Variants in HHIP observed in about 807,000 individuals in gnomAD.
HHIP encodes the protein hedgehog interacting protein, also known as hedgehog-interacting protein.
A neutral mutation model predicts 74.0 loss-of-function variants in HHIP; 12 were observed. The observed-to-expected ratio is 0.16, with a 90% confidence interval of 0.10 to 0.26. The LOEUF is 0.26. Ranked by LOEUF, HHIP falls within the 10% of genes least tolerant of loss-of-function variation. The pLI, the probability that HHIP is intolerant of heterozygous loss-of-function variation, is 1.00. For missense variants in HHIP, 788 were observed against 845.0 expected (o/e 0.93, Z 0.84); for synonymous variants, 309 against 311.6 (o/e 0.99, Z 0.09).
Position 144,734,810 on chromosome 4 carries a change from G to C in HHIP, c.1830G>C (p.Arg610Ser), listed in dbSNP as rs775431119. Residue 610 changes from arginine (R) to serine (S), a missense_variant, in exon 12 of 13, where the codon AGG (arginine) becomes AGC (serine). Coordinates refer to ENST00000296575, the MANE Select transcript of HHIP (RefSeq NM_022475.3). The stretch of plus-strand genomic sequence containing the variant: ...AGACACTGACTTCAGAGTGCTCCAG[G>C]CTCTGTCGAAACGGCTACTGCACCC... ...PAQTLTSECSRLCRNGYCTPT... is the reference protein window; with the variant it reads ...PAQTLTSECSSLCRNGYCTPT... 2 of 1,613,002 alleles carry C rather than the reference G, an allele frequency of 1.2e-6. No individual in the cohort carries two copies. The highest frequency in any genetic ancestry group is 1.7e-6 in the Non-Finnish European group (2 of 1,179,252).
rs527464213 is a variant in HHIP at position 144,646,519 on chromosome 4, A to C, written c.-157A>C. The C allele has an allele frequency of 4.5e-6, 3 of 667,032 alleles. No homozygotes were observed. The highest frequency in any genetic ancestry group is 3.6e-5 in the African/African-American group (2 of 55,656). The allele number at this position is 667,032 out of a possible 1,614,324, so 41.3% of individuals were successfully genotyped here. ...CGTCTTTTATTTTTTGCAAAGTTGC[A>C]TCGCTGTACATATTTTTGTCCCCGC... On this transcript the variant is annotated 5_prime_UTR_variant, in exon 1 of 13. Transcript: ENST00000296575.
Position 144,742,996 on chromosome 4 carries a change from ATAAT to A in HHIP, c.*5040_*5043del, listed in dbSNP as rs1560729189. On this transcript the variant is annotated 3_prime_UTR_variant, in exon 13 of 13. Coordinates refer to ENST00000296575, the MANE Select transcript of HHIP (RefSeq NM_022475.3). ...GTATATATATATACATTATATATAT[ATAAT>A]ATATATATATTATATATATATAATA... The A allele has an allele frequency of 0.067, 49 of 732 alleles. No homozygotes were observed. Among genetic ancestry groups the A allele is most frequent in the Admixed American group, 0.28 (10 of 36 alleles). The allele number at this position is 732 out of a possible 1,614,324, so 0.0% of individuals were successfully genotyped here. A position where few individuals can be genotyped will look rare whatever the true frequency, so the allele number is the denominator to read the frequency against.
At chr4:144,702,042 C>A (rs780748634) in intron 4 of HHIP, among the ~76,000 whole-genome samples, 1 of 152,130 alleles carries the variant, frequency 6.6e-6, no homozygotes, top group Non-Finnish European at 1.5e-5. Flanking sequence ...AATACCCACA[C>A]TGTCAGAAAC....
chr4:144,716,106 T>C (rs1054349721), intron 10 of HHIP, among the ~76,000 whole-genome samples: 1 of 152,248 alleles, frequency 6.6e-6, no homozygotes, highest in Admixed American at 6.5e-5. Flanking sequence ...CAGAGATCAA[T>C]GTAGTTTCAT....
At position 144,707,170 on chromosome 4, in the gene HHIP, A is replaced by G; in HGVS notation, c.1067A>G (p.Gln356Arg). The change falls in exon 6 of 13, where the codon CAA becomes CGA. Residue 356 changes from glutamine to arginine, a missense_variant. Coordinates refer to ENST00000296575, the MANE Select transcript of HHIP (RefSeq NM_022475.3). ...AELHRKHLGG[Q>R]LLFGPDGFLY... The stretch of plus-strand genomic sequence containing the variant: ...CTCCACAGAAAGCATCTGGGAGGAC[A>G]ACTGCTCTTTGGCCCTGACGGCTTT... The G allele has an allele frequency of 1.2e-6, 2 of 1,614,056 alleles. No individual in the cohort carries two copies. Among genetic ancestry groups the G allele is most frequent in the Non-Finnish European group, 1.7e-6 (2 of 1,179,938 alleles).
At chr4:144,695,834 T>A (rs917657998) in intron 4 of HHIP, among the ~76,000 whole-genome samples, 4 of 151,916 alleles carry the variant, frequency 2.6e-5, no homozygotes, top group Non-Finnish European at 5.9e-5. Flanking sequence ...TCCACAAATC[T>A]TTATCAAAAG....
rs941466231 is a variant in HHIP, at chr4:144,733,292, G to A, written c.1761-1449G>A. ...CTAGATTCAAATAAGAAGCTGAATA[G>A]ATTTAAGGGAGTTTTCTGAATTGTC... is the stretch of plus-strand genomic sequence containing the variant. On this transcript the variant is annotated intron_variant, in intron 11 of 12. Transcript: ENST00000296575. 2.0e-5 allele frequency among the ~76,000 whole-genome samples: 3 copies of A among 152,174 alleles called. No individual in the cohort carries two copies. In the South Asian group the frequency reaches 6.2e-4, roughly 32 times the overall value.
chr4:144,659,825 A>G lies in HHIP; in HGVS notation c.818A>G (p.Gln273Arg), dbSNP rs771500415. 1.2e-6 allele frequency: 2 copies of G among 1,611,758 alleles called. No individual in the cohort carries two copies. Among genetic ancestry groups the G allele is most frequent in the South Asian group, 1.1e-5 (1 of 90,384 alleles). Residue 273 changes from glutamine to arginine, a missense_variant, in exon 4 of 13, where the codon CAA (glutamine) becomes CGA (arginine). By Grantham distance (43) the Gln-to-Arg change is conservative. Transcript: ENST00000296575. ...TATTTGGACATTCACAAACTTGTTCAAAGTGGAATAAAGGTTGGCTTTTTA... is the reference window on the plus strand; with the variant it reads ...TATTTGGACATTCACAAACTTGTTCGAAGTGGAATAAAGGTTGGCTTTTTA... ...EPYLDIHKLV[Q>R]SGIKGGDERG...
chr4:144,724,886 T>A (rs1244362213), intron 11 of HHIP, among the ~76,000 whole-genome samples: 1 of 151,840 alleles, frequency 6.6e-6, no homozygotes, highest in Non-Finnish European at 1.5e-5. Context: ...TTGACTGAAT[T>A]GCCACTTCAA....
In HHIP at chr4:144,742,747, T is replaced by C. The variant is rs1282449652; in HGVS notation, c.*4790T>C. The stretch of plus-strand genomic sequence containing the variant: ...TATCTTTAAAATACCTAAAAATAAA[T>C]ATATATTTGCTATCTTATCCTCTTT... On this transcript the variant is annotated 3_prime_UTR_variant, in exon 13 of 13. Transcript: ENST00000296575. 1 of 149,454 alleles carries C rather than the reference T, an allele frequency of 6.7e-6. No individual in the cohort carries two copies. The highest frequency in any genetic ancestry group is 2.5e-5 in the African/African-American group (1 of 40,776). 9.3% of individuals were successfully genotyped at this position (149,454 alleles called of 1,614,324 possible).
intron 11 of HHIP, among the ~76,000 whole-genome samples, chr4:144,722,574 C>A (rs1252303303): frequency 1.3e-5 from 2 of 152,066 alleles, no homozygotes; most frequent in Admixed American, 6.5e-5. Flanking sequence ...TCAGTAGAGC[C>A]AGGTGTGGTG....
intron 4 of HHIP, among the ~76,000 whole-genome samples, chr4:144,680,630 T>C (rs574860566): frequency 4.9e-4 from 74 of 152,356 alleles, no homozygotes; most frequent in African/African-American, 1.7e-3. Flanking sequence ...ATCAGAGCTA[T>C]GACTATATGT....
At chr4:144,699,464 G>C (rs1729916524) in intron 4 of HHIP, among the ~76,000 whole-genome samples, 1 of 152,070 alleles carries the variant, frequency 6.6e-6, no homozygotes, top group Non-Finnish European at 1.5e-5. Context: ...AGACATGATT[G>C]ATTGAATTAC....
intron 4 of HHIP, among the ~76,000 whole-genome samples, chr4:144,661,107 C>T (rs1332686206): frequency 6.6e-6 from 1 of 152,104 alleles, no homozygotes; most frequent in Non-Finnish European, 1.5e-5. Context: ...AACTGATGTT[C>T]TTGTTTCTAC....
At chr4:144,707,425 AC>A (rs1410858605) in intron 6 of HHIP, among the ~76,000 whole-genome samples, 165 bp downstream of exon 6, 1 of 152,132 alleles carries the variant, frequency 6.6e-6, no homozygotes, top group African/African-American at 2.4e-5. Flanking sequence ...AGAGGAATTC[AC>A]TAATATGCTA....
chr4:144,665,722 T>C (rs557380774), intron 4 of HHIP, among the ~76,000 whole-genome samples: 81 of 152,222 alleles, frequency 5.3e-4, no homozygotes, highest in Non-Finnish European at 9.8e-4. Flanking sequence ...TTTATGTGGT[T>C]ATGCCAGTTT....
Position 144,646,857 on chromosome 4 carries a change from T to G in HHIP, c.182T>G (p.Leu61Arg), listed in dbSNP as rs760032610. The change falls in exon 1 of 13, where the codon CTG becomes CGG. Residue 61 changes from leucine (L) to arginine (R), a missense_variant. Transcript: ENST00000296575. ...AGGAGGATGATGTCCCAGCTGGAGC[T>G]GCTGAGTGGGGGAGAGATGCTGTGC... ...RDRRMMSQLE[L>R]LSGGEMLCGG... The G allele has an allele frequency of 2.5e-6, 4 of 1,614,194 alleles. No individual in the cohort carries two copies. In the South Asian group the frequency reaches 3.3e-5, roughly 13 times the overall value.
At position 144,738,693 on chromosome 4, in the gene HHIP, T is replaced by C; in HGVS notation, c.*736T>C. 1 of 730,378 alleles carries C rather than the reference T, an allele frequency of 1.4e-6. No homozygotes were observed. Among genetic ancestry groups the C allele is most frequent in the Non-Finnish European group, 1.7e-6 (1 of 597,114 alleles). The allele number at this position is 730,378 out of a possible 1,614,324, so 45.2% of individuals were successfully genotyped here. On this transcript the variant is annotated 3_prime_UTR_variant, in exon 13 of 13. Transcript: ENST00000296575. The stretch of plus-strand genomic sequence containing the variant: ...ACTGGGTTTGTGTTACATATTTATA[T>C]ATTTTATTTTATTTTTATAATATAG...
At chr4:144,658,351 G>GTATTTATTTATTTATTTATT (rs139338114) in intron 2 of HHIP, among the ~76,000 whole-genome samples, 2 of 148,016 alleles carry the variant, frequency 1.4e-5, no homozygotes, top group African/African-American at 5.0e-5. Flanking sequence ...TTTTTATTTA[G>GTATTTATTTATTTATTTATT]TATTTATTTA....
Sources: allele counts gnomAD v4.1 joint callset (sites outside exome capture counted in the v4.1 genomes callset), GRCh38; gene constraint gnomAD v4.1.1; transcripts MANE v1.5; gene names NCBI Gene and HGNC (gene_info 2026-07-23, HGNC 2026-07-21).